Variants in SEMA5A observed in about 807,000 individuals in gnomAD.
The protein encoded by SEMA5A is semaphorin 5A.
Under a neutral mutation model 135.5 loss-of-function variants are expected in SEMA5A, and 55 were observed. The ratio of observed to expected loss-of-function variants is 0.41; its 90% CI spans 0.33 to 0.51. SEMA5A has a LOEUF of 0.51. Ranked by LOEUF, SEMA5A falls within the 20% of genes least tolerant of loss-of-function variation. The probability of loss-of-function intolerance (pLI) is 0.37; values close to 1 mark genes in which losing one functional copy is unlikely to be tolerated. For missense variants in SEMA5A, 1,290 were observed against 1,419.9 expected (o/e 0.91, Z 1.47); for synonymous variants, 580 against 546.5 (o/e 1.06, Z -0.85).
chr5:9,396,474 A>G (rs1366928685), intron 2 of SEMA5A, among the ~76,000 whole-genome samples: 1 of 152,136 alleles, frequency 6.6e-6, no homozygotes, highest in Non-Finnish European at 1.5e-5. Flanking sequence ...TCGTAAAGAC[A>G]GCAAACAACA....
chr5:9,534,378 C>T (rs1010633473), intron 1 of SEMA5A, among the ~76,000 whole-genome samples: 1 of 152,182 alleles, frequency 6.6e-6, no homozygotes, highest in East Asian at 1.9e-4. Context: ...AATTAAACAA[C>T]AACAAATTAA....
intron 6 of SEMA5A, among the ~76,000 whole-genome samples, chr5:9,233,588 G>A (rs1747748689): frequency 6.6e-6 from 1 of 152,092 alleles, no homozygotes; most frequent in African/African-American, 2.4e-5. Context: ...GGCAGCTTCA[G>A]TACCTACCTT....
At chr5:9,131,435 C>T (rs113628812) in intron 13 of SEMA5A, among the ~76,000 whole-genome samples, 12,260 of 151,300 alleles carry the variant, frequency 0.081, 533 homozygotes, top group South Asian at 0.15. Context: ...GGTGAAACCC[C>T]GTCTCTACTA....
chr5:9,103,375 A>G (rs866317640), intron 16 of SEMA5A, among the ~76,000 whole-genome samples: 1 of 152,292 alleles, frequency 6.6e-6, no homozygotes, highest in South Asian at 2.1e-4. Flanking sequence ...TGCTCTGAAG[A>G]TTATCCATTG....
intron 2 of SEMA5A, among the ~76,000 whole-genome samples, chr5:9,390,020 A>G (rs1756081732): frequency 6.6e-6 from 1 of 152,178 alleles, no homozygotes; most frequent in South Asian, 2.1e-4. Flanking sequence ...GTGCCTCTCT[A>G]CCTTACCTCT....
At chr5:9,324,202 G>A (rs2150684064) in intron 4 of SEMA5A, among the ~76,000 whole-genome samples, 1 of 152,074 alleles carries the variant, frequency 6.6e-6, no homozygotes, top group Admixed American at 6.6e-5. Flanking sequence ...CCGAGTAGCT[G>A]GGACTACAGG....
At chr5:9,366,078 CTTA>C (rs1754901408) in intron 3 of SEMA5A, among the ~76,000 whole-genome samples, 1 of 152,174 alleles carries the variant, frequency 6.6e-6, no homozygotes, top group Non-Finnish European at 1.5e-5. Context: ...GATATTCTAG[CTTA>C]ATAGCCAGTG....
intron 3 of SEMA5A, among the ~76,000 whole-genome samples, chr5:9,365,332 T>C (rs1426246747): frequency 2.0e-5 from 3 of 152,104 alleles, no homozygotes; most frequent in Non-Finnish European, 4.4e-5. Context: ...TATAATATTT[T>C]TCAAGGTCTA....
chr5:9,232,316 A>G (rs906747516), intron 6 of SEMA5A, among the ~76,000 whole-genome samples: 2 of 152,208 alleles, frequency 1.3e-5, no homozygotes, highest in African/African-American at 2.4e-5. Flanking sequence ...TATGTTAATC[A>G]TAGTGCTCCC....
At chr5:9,519,219 T>A (rs1561316833) in intron 1 of SEMA5A, among the ~76,000 whole-genome samples, 1 of 152,206 alleles carries the variant, frequency 6.6e-6, no homozygotes, top group South Asian at 2.1e-4. Flanking sequence ...GGTTGTGACT[T>A]TTTTTTAGGT....
rs562982819 is a variant in SEMA5A, at chr5:9,248,248, T to C, written c.271-10358A>G. Reference sequence around the variant, plus strand: ...CTGGGATATGTTGATGGAAAATTGATGCCTTTTGTTATAATTTTACAACAA... The same window carrying C: ...CTGGGATATGTTGATGGAAAATTGACGCCTTTTGTTATAATTTTACAACAA... On this transcript the variant is annotated intron_variant, in intron 5 of 22. Transcript: ENST00000382496. Among the ~76,000 whole-genome samples, 3 of 152,288 alleles carry C rather than the reference T, an allele frequency of 2.0e-5. No individual in the cohort carries two copies. In the South Asian group the frequency reaches 6.2e-4, roughly 32 times the overall value.
At chr5:9,433,378 C>T (rs888376258) in intron 2 of SEMA5A, among the ~76,000 whole-genome samples, 2 of 151,878 alleles carry the variant, frequency 1.3e-5, no homozygotes, top group African/African-American at 4.8e-5. Flanking sequence ...TCTGACATCA[C>T]TAAAATAAAC....
At chr5:9,381,942 TTGTG>T (rs148157627) in intron 2 of SEMA5A, among the ~76,000 whole-genome samples, 89 of 109,374 alleles carry the variant, frequency 8.1e-4, no homozygotes, top group African/African-American at 2.5e-3. Context: ...TAGAATCATT[TTGTG>T]TGTGTGTGTG....
chr5:9,083,822 C>G (rs954857012), intron 16 of SEMA5A, among the ~76,000 whole-genome samples: 2 of 152,186 alleles, frequency 1.3e-5, no homozygotes, highest in Non-Finnish European at 2.9e-5. Context: ...TGTTACATAA[C>G]ACTAGCACAC....
intron 5 of SEMA5A, among the ~76,000 whole-genome samples, chr5:9,315,196 T>C (rs368385092): frequency 2.0e-5 from 3 of 152,288 alleles, no homozygotes; most frequent in African/African-American, 7.2e-5. Flanking sequence ...TCACCTAGAT[T>C]CCCCTGTTAA....
At chr5:9,175,954 T>C (rs1236182459) in intron 11 of SEMA5A, among the ~76,000 whole-genome samples, 2 of 152,226 alleles carry the variant, frequency 1.3e-5, no homozygotes, top group East Asian at 3.9e-4. Context: ...AAACAGTCCC[T>C]ATCATTCCCA....
intron 2 of SEMA5A, among the ~76,000 whole-genome samples, chr5:9,388,893 C>T (rs936843977): frequency 5.2e-5 from 7 of 135,160 alleles, no homozygotes; most frequent in South Asian, 2.3e-4. Flanking sequence ...AGCGAGACTC[C>T]GTCTCAAAAA....
At chr5:9,430,502 G>A (rs936407190) in intron 2 of SEMA5A, among the ~76,000 whole-genome samples, 1 of 152,182 alleles carries the variant, frequency 6.6e-6, no homozygotes, top group African/African-American at 2.4e-5. Flanking sequence ...TGAACCTTAT[G>A]GGACTCCAGT....
At chr5:9,120,490 G>T (rs926232394) in intron 14 of SEMA5A, among the ~76,000 whole-genome samples, 2 of 151,866 alleles carry the variant, frequency 1.3e-5, no homozygotes, top group Admixed American at 6.6e-5. Flanking sequence ...TAATAAACCT[G>T]CTCTATAATA....
Sources: allele counts gnomAD v4.1 joint callset (sites outside exome capture counted in the v4.1 genomes callset), GRCh38; gene constraint gnomAD v4.1.1; transcripts MANE v1.5; gene names NCBI Gene and HGNC (gene_info 2026-07-23, HGNC 2026-07-21).